ANKS1B: variants seen among roughly 807,000 people sequenced by gnomAD.
ANKS1B encodes ankyrin repeat and sterile alpha motif domain containing 1B.
Under a neutral mutation model 148.3 loss-of-function variants are expected in ANKS1B, and 36 were observed. The observed-to-expected ratio is 0.24, with a 90% confidence interval of 0.19 to 0.32. The LOEUF is 0.32. ANKS1B is among the 10% of genes least tolerant of loss of function. The pLI is 1.00. For synonymous variants in ANKS1B, 542 were observed against 560.8 expected, an observed-to-expected ratio of 0.97 and a Z score of 0.47; for missense variants, 1,157 against 1,542.6, an observed-to-expected ratio of 0.75 and a Z score of 4.19.
chr12:99,074,850 T>C (rs1202223279), intron 16 of ANKS1B, among the ~76,000 whole-genome samples: 1 of 152,242 alleles, frequency 6.6e-6, no homozygotes, highest in Non-Finnish European at 1.5e-5. Context: ...TGGGCATTAC[T>C]ATGTTCATGA....
intron 14 of ANKS1B, among the ~76,000 whole-genome samples, chr12:99,214,315 A>G (rs1018395684): frequency 3.3e-5 from 5 of 152,292 alleles, no homozygotes; most frequent in African/African-American, 1.2e-4. Context: ...ATTTCTTATT[A>G]GCCTTGTGAT....
chr12:99,629,358 A>G (rs994736335), intron 9 of ANKS1B, among the ~76,000 whole-genome samples: 2 of 152,164 alleles, frequency 1.3e-5, no homozygotes, highest in Admixed American at 6.6e-5. Context: ...ATCTTCACAT[A>G]CGAGAAAAAA....
chr12:99,592,844 T>C (rs77840265), intron 9 of ANKS1B, among the ~76,000 whole-genome samples: 5,279 of 152,198 alleles, frequency 0.035, 303 homozygotes, highest in African/African-American at 0.12. Flanking sequence ...ATCAGTCACA[T>C]ACCTGAAAGA....
At chr12:99,752,443 C>T (rs2061196029) in intron 8 of ANKS1B, among the ~76,000 whole-genome samples, 1 of 151,850 alleles carries the variant, frequency 6.6e-6, no homozygotes, top group Admixed American at 6.6e-5. Flanking sequence ...TTTTGTCTGC[C>T]ATAAAACAGT....
chr12:99,258,610 G>GTTT (rs56955440), intron 12 of ANKS1B, among the ~76,000 whole-genome samples: 4,538 of 134,716 alleles, frequency 0.034, 257 homozygotes, highest in African/African-American at 0.11. Context: ...TTATCCACTT[G>GTTT]TTTTTTTTTT....
At chr12:98,909,521 A>G (rs151081241) in intron 17 of ANKS1B, among the ~76,000 whole-genome samples, 1 of 152,354 alleles carries the variant, frequency 6.6e-6, no homozygotes, top group East Asian at 1.9e-4. Flanking sequence ...GAGTTCTGGC[A>G]TCGTATAAAC....
intron 11 of ANKS1B, among the ~76,000 whole-genome samples, chr12:99,432,731 G>A (rs1189421329): frequency 1.3e-5 from 2 of 152,180 alleles, no homozygotes; most frequent in Non-Finnish European, 2.9e-5. Context: ...AAGGAAGGAT[G>A]ATAATTAGCA....
chr12:98,848,742 G>T (rs2099500086), intron 17 of ANKS1B, among the ~76,000 whole-genome samples: 2 of 12,778 alleles, frequency 1.6e-4, no homozygotes, highest in Admixed American at 8.5e-4. Flanking sequence ...GTGTATGTGT[G>T]GTTTTTTTTT....
At chr12:99,978,067 A>C (rs538442947) in intron 1 of ANKS1B, among the ~76,000 whole-genome samples, 1 of 152,216 alleles carries the variant, frequency 6.6e-6, no homozygotes, top group Non-Finnish European at 1.5e-5. Context: ...TAGGCTTCTG[A>C]TAGAATTTTC....
At chr12:98,783,917 T>A (rs2153525804) in intron 22 of ANKS1B, among the ~76,000 whole-genome samples, 1 of 152,234 alleles carries the variant, frequency 6.6e-6, no homozygotes, top group East Asian at 1.9e-4. Flanking sequence ...GAAGTTATTG[T>A]GCAAATCCAA....
intron 12 of ANKS1B, among the ~76,000 whole-genome samples, chr12:99,253,090 A>T (rs142903906): frequency 5.5e-4 from 83 of 152,194 alleles, no homozygotes; most frequent in Middle Eastern, 6.8e-3. Context: ...TTTAAGCATG[A>T]TAATGAGTGC....
intron 12 of ANKS1B, among the ~76,000 whole-genome samples, chr12:99,255,168 T>G (rs1371608193): frequency 6.6e-6 from 1 of 150,404 alleles, no homozygotes; most frequent in African/African-American, 2.4e-5. Context: ...TTCATTAAAT[T>G]TATTTAGTAT....
intron 8 of ANKS1B, among the ~76,000 whole-genome samples, chr12:99,725,490 C>T (rs1207607986): frequency 2.0e-5 from 3 of 152,040 alleles, no homozygotes; most frequent in African/African-American, 7.2e-5. Context: ...ACAGGAGCAC[C>T]CAAATTCATA....
intron 9 of ANKS1B, among the ~76,000 whole-genome samples, chr12:99,644,635 T>C (rs2098341727): frequency 6.6e-6 from 1 of 152,218 alleles, no homozygotes. Context: ...ATGCACCTGT[T>C]ACAGCAGCAC....
At chr12:99,822,351 T>G (rs893809728) in intron 2 of ANKS1B, among the ~76,000 whole-genome samples, 1 of 152,178 alleles carries the variant, frequency 6.6e-6, no homozygotes, top group Admixed American at 6.5e-5. Flanking sequence ...TTATTTTAGA[T>G]TCAGGGGATA....
At chr12:99,740,974 A>G (rs2060043809) in intron 8 of ANKS1B, among the ~76,000 whole-genome samples, 2 of 152,132 alleles carry the variant, frequency 1.3e-5, no homozygotes, top group Non-Finnish European at 2.9e-5. Flanking sequence ...GTAGGTGGCA[A>G]TTTGGGCAGA....
intron 12 of ANKS1B, among the ~76,000 whole-genome samples, chr12:99,349,996 G>A (rs77879628): frequency 0.014 from 2,205 of 152,088 alleles, 24 homozygotes; most frequent in Non-Finnish European, 0.021. Context: ...CTATTGATAT[G>A]GTTTGGATCT....
At chr12:99,033,546 C>A (rs2099953610) in intron 17 of ANKS1B, among the ~76,000 whole-genome samples, 1 of 152,054 alleles carries the variant, frequency 6.6e-6, no homozygotes, top group African/African-American at 2.4e-5. Flanking sequence ...TGCCTGTAAT[C>A]CCAGCTACTC....
At chr12:99,125,709 T>C (rs1434414116) in intron 15 of ANKS1B, among the ~76,000 whole-genome samples, 1 of 152,158 alleles carries the variant, frequency 6.6e-6, no homozygotes, top group East Asian at 1.9e-4. Flanking sequence ...GGCTCAAGGA[T>C]AACTCCTAGG....
Sources: allele counts gnomAD v4.1 joint callset (sites outside exome capture counted in the v4.1 genomes callset), GRCh38; gene constraint gnomAD v4.1.1; transcripts MANE v1.5; gene names NCBI Gene and HGNC (gene_info 2026-07-23, HGNC 2026-07-21).